PNPLA8: variants seen among roughly 807,000 people sequenced by gnomAD.
The protein encoded by PNPLA8 is calcium-independent phospholipase A2-gamma.
Under a neutral mutation model 76.9 loss-of-function variants are expected in PNPLA8, and 39 were observed. That is an observed-to-expected ratio of 0.51 (90% CI 0.39 to 0.66). The LOEUF (loss-of-function observed/expected upper bound fraction) is 0.66. Among genes scored for constraint, PNPLA8 ranks in the 30% least tolerant of loss-of-function variants. The pLI is 0.00. For missense variants in PNPLA8, 887 were observed against 918.0 expected, an observed-to-expected ratio of 0.97 and a Z score of 0.44; for synonymous variants, 301 against 307.9, an observed-to-expected ratio of 0.98 and a Z score of 0.24.
intron 9 of PNPLA8, among the ~76,000 whole-genome samples, chr7:108,482,526 T>C (rs190405731): frequency 3.3e-4 from 51 of 152,328 alleles, no homozygotes; most frequent in Non-Finnish European, 6.2e-4. Flanking sequence ...TGCCCTTCCA[T>C]ATAAATTTTA....
rs751681710 is a variant in PNPLA8 at position 108,514,299 on chromosome 7, A to G, written c.1057-6T>C. On this transcript the variant is annotated splice_region_variant and splice_polypyrimidine_tract_variant and intron_variant, in intron 3 of 10. Transcript: ENST00000257694. ...ATACTCACCCTTGCGATAATCTACA[A>G]AGACATATTAAATAGATATGATTAG... The G allele has an allele frequency of 6.2e-7, 1 of 1,602,880 alleles. No individual in the cohort carries two copies. The highest frequency in any genetic ancestry group is 1.7e-5 in the Admixed American group (1 of 58,568).
At chr7:108,512,979 G>A (rs887658027) in intron 4 of PNPLA8, among the ~76,000 whole-genome samples, 2 of 152,086 alleles carry the variant, frequency 1.3e-5, no homozygotes, top group African/African-American at 4.8e-5. Flanking sequence ...GAGCCACCTT[G>A]CCCCTTCTGC....
upstream of PNPLA8, chr7:108,526,301 T>A (rs1437569398): frequency 6.4e-6 from 1 of 155,388 alleles, no homozygotes; most frequent in Non-Finnish European, 1.4e-5. Flanking sequence ...CCCCGAGATA[T>A]GCGCAATAGA....
chr7:108,526,143 C>T (rs369520010), upstream of PNPLA8: 8 of 957,620 alleles, frequency 8.4e-6, no homozygotes, highest in Non-Finnish European at 7.5e-6. Flanking sequence ...ACTGGCGCAG[C>T]AGCTAGGTCG....
At position 108,502,558 on chromosome 7, in the gene PNPLA8, T is replaced by A. The variant is rs766217075; in HGVS notation, c.1291A>T (p.Ile431Phe). The A allele has an allele frequency of 6.2e-7, 1 of 1,611,456 alleles. No homozygotes were observed. ...CCTTTCACTGGATCCACATAGCCAATTAGGGCCAAAATTTCTCTAACTGCA... is the reference window on the plus strand; with the variant it reads ...CCTTTCACTGGATCCACATAGCCAAATAGGGCCAAAATTTCTCTAACTGCA... The part of the protein sequence containing the change: ...QAAVREILAL[I>F]GYVDPVKGRG... Residue 431 changes from isoleucine to phenylalanine, a missense_variant, in exon 5 of 11, where the codon ATT becomes TTT. Transcript: ENST00000257694.
At chr7:108,472,768 T>C in intron 10 of PNPLA8, 93 bp from the exon 11 acceptor site, 1 of 847,366 alleles carries the variant, frequency 1.2e-6, no homozygotes, top group Non-Finnish European at 1.7e-6. Flanking sequence ...TAAAATTAAC[T>C]TCTTTTTAGG....
chr7:108,527,136 T>C (rs1395514914), upstream of PNPLA8, among the ~76,000 whole-genome samples: 3 of 152,224 alleles, frequency 2.0e-5, no homozygotes, highest in South Asian at 2.1e-4. Context: ...TCAAGACTTA[T>C]ACTGTACTCT....
intron 9 of PNPLA8, 62 bp from the exon 10 acceptor site, chr7:108,479,441 T>A: frequency 9.1e-7 from 1 of 1,093,414 alleles, no homozygotes; most frequent in South Asian, 1.5e-5. Flanking sequence ...AGCTGAACTA[T>A]GTAATAAGCT....
chr7:108,514,058 A>C, intron 4 of PNPLA8, 86 bp downstream of exon 4: 1 of 901,928 alleles, frequency 1.1e-6, no homozygotes. Flanking sequence ...CAAATGGAAA[A>C]ATGAAAGGCT....
At chr7:108,501,549 G>A (rs1434121885) in intron 5 of PNPLA8, among the ~76,000 whole-genome samples, 6 of 152,092 alleles carry the variant, frequency 3.9e-5, no homozygotes, top group East Asian at 3.9e-4. Context: ...CTGGCTGGGC[G>A]CGGTGGCTCA....
intron 5 of PNPLA8, among the ~76,000 whole-genome samples, chr7:108,498,759 T>C (rs1012811217): frequency 3.3e-5 from 5 of 152,150 alleles, no homozygotes; most frequent in South Asian, 2.1e-4. Flanking sequence ...TTAGGAGATA[T>C]AGACCAATTG....
chr7:108,475,204 G>A (rs1358879877), intron 10 of PNPLA8, among the ~76,000 whole-genome samples: 3 of 152,030 alleles, frequency 2.0e-5, no homozygotes, highest in Non-Finnish European at 2.9e-5. Flanking sequence ...CAAGCTCAGG[G>A]CTCCCAATTC....
chr7:108,524,642 T>C (rs1863956945), intron 1 of PNPLA8, among the ~76,000 whole-genome samples: 1 of 151,988 alleles, frequency 6.6e-6, no homozygotes, highest in Non-Finnish European at 1.5e-5. Flanking sequence ...CTGGCCAACA[T>C]GGGGAAACCC....
At chr7:108,505,212 C>A (rs1378976368) in intron 4 of PNPLA8, among the ~76,000 whole-genome samples, 4 of 146,798 alleles carry the variant, frequency 2.7e-5, no homozygotes, top group African/African-American at 1.0e-4. Flanking sequence ...ACTTCTGACA[C>A]ACACCACACA....
In PNPLA8 at chr7:108,472,381, A is replaced by G. The variant is rs375224011; in HGVS notation, c.*20T>C. 84 of 1,493,120 alleles carry G rather than the reference A, an allele frequency of 5.6e-5. No homozygotes were observed. In the African/African-American group the frequency reaches 7.6e-4, roughly 14 times the overall value. The allele number at this position is 1,493,120 out of a possible 1,614,324, so 92.5% of individuals were successfully genotyped here. ...TCTTCTAAACAGACCTTCATTTATG[A>G]GAACATAAGCATATACTCATCACAA... On this transcript the variant is annotated 3_prime_UTR_variant, in exon 11 of 11. Transcript: ENST00000257694.
chr7:108,490,374 A>ACACAGGTTTATAGCCTAGGAAC (rs1201808013), intron 8 of PNPLA8, among the ~76,000 whole-genome samples: 19 of 151,938 alleles, frequency 1.3e-4, no homozygotes, highest in Admixed American at 2.0e-4. Context: ...ACACTCTATA[A>ACACAGGTTTATAGCCTAGGAAC]TACTTGCACA....
At chr7:108,501,739 G>A (rs1458549155) in intron 5 of PNPLA8, among the ~76,000 whole-genome samples, 4 of 152,070 alleles carry the variant, frequency 2.6e-5, no homozygotes, top group Non-Finnish European at 5.9e-5. Flanking sequence ...CAGGAGAATC[G>A]CTTGAACTTG....
intron 7 of PNPLA8, among the ~76,000 whole-genome samples, chr7:108,493,277 T>C (rs1315546896): frequency 6.6e-6 from 1 of 152,082 alleles, no homozygotes; most frequent in African/African-American, 2.4e-5. Flanking sequence ...TACATAAATA[T>C]GCAAAGATAC....
At chr7:108,509,526 A>T (rs1455143496) in intron 4 of PNPLA8, among the ~76,000 whole-genome samples, 1 of 143,760 alleles carries the variant, frequency 7.0e-6, no homozygotes, top group African/African-American at 2.6e-5. Context: ...GTCAGGAAAC[A>T]ACAGGTGCTG....
Sources: gnomAD v4.1 joint callset for allele counts (sites outside exome capture counted in the v4.1 genomes callset) on GRCh38, gnomAD v4.1.1 for gene constraint, MANE v1.5 for transcripts, NCBI Gene and HGNC (gene_info 2026-07-23, HGNC 2026-07-21) for gene names.